DCC: variants seen among roughly 807,000 people sequenced by gnomAD.
The protein encoded by DCC is DCC netrin 1 receptor, also known as netrin receptor DCC.
Under a neutral mutation model 172.5 loss-of-function variants are expected in DCC, and 58 were observed. The ratio of observed to expected loss-of-function variants is 0.34; its 90% confidence interval spans 0.27 to 0.42. The LOEUF is 0.42. Among genes scored for constraint, DCC ranks in the 10% least tolerant of loss-of-function variants. DCC has a pLI of 1.00. For missense variants in DCC, 1,740 were observed against 1,791.0 expected, an observed-to-expected ratio of 0.97 and a Z score of 0.51; for synonymous variants, 709 against 644.5, an observed-to-expected ratio of 1.10 and a Z score of -1.52.
At chr18:52,349,266 CT>C in intron 1 of DCC, among the ~76,000 whole-genome samples, 1 of 152,138 alleles carries the variant, frequency 6.6e-6, no homozygotes, top group East Asian at 1.9e-4. Flanking sequence ...GAAATAAAGC[CT>C]CAGATGTACT....
At chr18:52,780,896 G>A (rs913738812) in intron 2 of DCC, among the ~76,000 whole-genome samples, 5 of 152,126 alleles carry the variant, frequency 3.3e-5, no homozygotes, top group Admixed American at 3.3e-4. Flanking sequence ...GTCTTAGGTG[G>A]TGAAAAGATT....
chr18:53,527,323 G>C (rs1348928927), intron 28 of DCC, among the ~76,000 whole-genome samples: 3 of 151,500 alleles, frequency 2.0e-5, no homozygotes, highest in African/African-American at 7.3e-5. Flanking sequence ...AGCTCAAGCA[G>C]TTCTCCTGCC....
chr18:52,842,123 G>T (rs750291258), intron 2 of DCC, among the ~76,000 whole-genome samples: 12 of 152,064 alleles, frequency 7.9e-5, no homozygotes, highest in Middle Eastern at 3.2e-3. Context: ...ATCATTGAAT[G>T]TGTACAGTAA....
chr18:52,827,345 C>T (rs559898020), intron 2 of DCC, among the ~76,000 whole-genome samples: 2 of 152,104 alleles, frequency 1.3e-5, no homozygotes, highest in East Asian at 1.9e-4. Flanking sequence ...GGGGAGGGAC[C>T]GAAAACAGCA....
intron 25 of DCC, among the ~76,000 whole-genome samples, chr18:53,474,047 A>G (rs2045731866): frequency 6.6e-6 from 1 of 152,198 alleles, no homozygotes; most frequent in South Asian, 2.1e-4. Flanking sequence ...TTATCAGATA[A>G]CAACACATAC....
At chr18:53,305,511 C>A in intron 12 of DCC, 67 bp from the exon 13 acceptor site, 2 of 1,377,194 alleles carry the variant, frequency 1.5e-6, no homozygotes, top group Non-Finnish European at 2.1e-6. Context: ...GTTTGGGTTA[C>A]TTCTTTGACC....
chr18:53,469,188 T>C lies in DCC; in HGVS notation c.3736+1178T>C, dbSNP rs184853774. On this transcript the variant is annotated intron_variant, in intron 25 of 28. Transcript: ENST00000442544. ...TTAACTTAGGTTTTATAGTCACTTA[T>C]TATCTTCAGTCTCATCTCCCTTGGT... Among the ~76,000 whole-genome samples the C allele has an allele frequency of 2.7e-4, 41 of 152,312 alleles. 1 individual carries two copies. The highest frequency in any genetic ancestry group is 8.3e-4 in the South Asian group (4 of 4,830).
At position 53,424,903 on chromosome 18, in the gene DCC, C is replaced by T. The variant is rs572880869; in HGVS notation, c.3163+8747C>T. On this transcript the variant is annotated intron_variant, in intron 21 of 28. Transcript: ENST00000442544. Reference sequence around the variant, plus strand: ...GCTTTCCTACTTTTCAACATATCAGCTAGCTATTGTCTACACTGGCCAGTG... The same window carrying T: ...GCTTTCCTACTTTTCAACATATCAGTTAGCTATTGTCTACACTGGCCAGTG... Among the ~76,000 whole-genome samples, 9 of 152,222 alleles carry T rather than the reference C, an allele frequency of 5.9e-5. No individual in the cohort carries two copies. In the East Asian group the frequency reaches 1.7e-3, roughly 29 times the overall value.
At chr18:52,550,253 C>A (rs1466626157) in intron 1 of DCC, among the ~76,000 whole-genome samples, 2 of 151,852 alleles carry the variant, frequency 1.3e-5, no homozygotes, top group Admixed American at 1.3e-4. Flanking sequence ...AAGGTCATCA[C>A]AAACCAGGAA....
chr18:53,231,004 G>T (rs1227173922), intron 12 of DCC, among the ~76,000 whole-genome samples: 7 of 151,142 alleles, frequency 4.6e-5, no homozygotes, highest in Non-Finnish European at 7.4e-5. Context: ...TTTTTTCTGA[G>T]ACTATTTTCC....
intron 1 of DCC, among the ~76,000 whole-genome samples, chr18:52,394,959 C>A (rs1986164244): frequency 6.6e-6 from 1 of 152,004 alleles, no homozygotes; most frequent in South Asian, 2.1e-4. Context: ...AGACTATTTC[C>A]CGTTCCAAGT....
chr18:52,584,041 G>A (rs1003021668), intron 1 of DCC, among the ~76,000 whole-genome samples: 25 of 152,066 alleles, frequency 1.6e-4, no homozygotes, highest in Admixed American at 1.3e-4. Context: ...TTTTTTCATA[G>A]CTGAATTATA....
At chr18:53,300,780 A>T (rs1236946665) in intron 12 of DCC, among the ~76,000 whole-genome samples, 2 of 152,108 alleles carry the variant, frequency 1.3e-5, no homozygotes, top group Non-Finnish European at 2.9e-5. Flanking sequence ...AATTTAGATT[A>T]TATTTTTTTT....
At chr18:52,855,767 T>A (rs895770213) in intron 2 of DCC, among the ~76,000 whole-genome samples, 1 of 141,942 alleles carries the variant, frequency 7.0e-6, no homozygotes, top group Admixed American at 6.9e-5. Context: ...TAAATTCTTT[T>A]TTTTTTTTTT....
At chr18:52,743,600 T>C (rs1410682448) in intron 1 of DCC, among the ~76,000 whole-genome samples, 5 of 152,188 alleles carry the variant, frequency 3.3e-5, no homozygotes. Context: ...TTCTTTACCA[T>C]TGGATTTAGC....
At chr18:52,685,913 G>T (rs985264270) in intron 1 of DCC, among the ~76,000 whole-genome samples, 1 of 152,104 alleles carries the variant, frequency 6.6e-6, no homozygotes, top group Non-Finnish European at 1.5e-5. Flanking sequence ...ATATTAGAAA[G>T]ATTCTTATAT....
chr18:52,556,293 A>G (rs1210316155), intron 1 of DCC, among the ~76,000 whole-genome samples: 2 of 152,142 alleles, frequency 1.3e-5, no homozygotes, highest in African/African-American at 4.8e-5. Context: ...TGCCATAACT[A>G]TATTATACAT....
intron 2 of DCC, among the ~76,000 whole-genome samples, chr18:52,860,795 C>A (rs563349340): frequency 1.3e-5 from 2 of 152,008 alleles, no homozygotes; most frequent in African/African-American, 4.8e-5. Flanking sequence ...GTCAGGAGAC[C>A]GAGACCATCC....
intron 1 of DCC, among the ~76,000 whole-genome samples, chr18:52,480,434 T>G (rs144581005): frequency 7.2e-5 from 11 of 152,234 alleles, no homozygotes; most frequent in Admixed American, 2.0e-4. Flanking sequence ...AGGTCTGAGT[T>G]CTCATATGTA....
Sources: gnomAD v4.1 joint callset for allele counts (sites outside exome capture counted in the v4.1 genomes callset) on GRCh38, gnomAD v4.1.1 for gene constraint, MANE v1.5 for transcripts, NCBI Gene and HGNC (gene_info 2026-07-23, HGNC 2026-07-21) for gene names.